SSX2IP: variants seen among roughly 807,000 people sequenced by gnomAD.
SSX2IP encodes the protein SSX family member 2 interacting protein.
A neutral mutation model predicts 84.9 loss-of-function variants in SSX2IP; 55 were observed. That is an observed-to-expected ratio of 0.65 (90% CI 0.52 to 0.81). The LOEUF is 0.81. SSX2IP is among the 30% of genes least tolerant of loss of function. The pLI is 0.00. For missense variants in SSX2IP, 664 were observed against 705.2 expected (o/e 0.94, Z 0.66); for synonymous variants, 239 against 234.7 (o/e 1.02, Z -0.17).
intron 1 of SSX2IP, among the ~76,000 whole-genome samples, chr1:84,674,280 A>G (rs1414106833): frequency 2.0e-5 from 3 of 152,000 alleles, no homozygotes; most frequent in Admixed American, 1.3e-4. Context: ...ACATAAGCTA[A>G]TATTAATCAT....
rs1161359557 is a variant in SSX2IP, at chr1:84,650,461, T to C, written c.1571A>G (p.Asn524Ser). 3.1e-6 allele frequency: 5 copies of C among 1,614,056 alleles called. No homozygotes were observed. Among genetic ancestry groups the C allele is most frequent in the Admixed American group, 3.3e-5 (2 of 59,992 alleles). Reference sequence around the variant, plus strand: ...TTTAGACATGCAAACTGGAGACCCATTAGACACACTGTGAGGCTTCTTTTG... The same window carrying C: ...TTTAGACATGCAAACTGGAGACCCACTAGACACACTGTGAGGCTTCTTTTG... ...QPQKKPHSVS[N>S]GSPVCMSKLT... is the part of the protein sequence containing the mutation. The change falls in exon 13 of 14, where the codon AAT (asparagine) becomes AGT (serine). Residue 524 changes from asparagine to serine, a missense_variant. Physicochemically the swap from Asn to Ser is conservative, Grantham distance 46. Coordinates refer to ENST00000342203, the MANE Select transcript of SSX2IP (RefSeq NM_001166293.2).
At chr1:84,666,062 T>C (rs1026711688) in intron 5 of SSX2IP, 60 bp downstream of exon 5, 6 of 1,280,956 alleles carry the variant, frequency 4.7e-6, no homozygotes, top group Non-Finnish European at 6.7e-6. Context: ...TATGGTCATC[T>C]CATATTACAA....
chr1:84,678,017 A>G (rs963468734), intron 1 of SSX2IP, among the ~76,000 whole-genome samples: 1 of 152,348 alleles, frequency 6.6e-6, no homozygotes, highest in Non-Finnish European at 1.5e-5. Context: ...GTTTTTAAGT[A>G]TGTATATTAA....
intron 2 of SSX2IP, 31 bp downstream of exon 2, chr1:84,671,146 C>T: frequency 1.3e-6 from 2 of 1,598,928 alleles, no homozygotes; most frequent in South Asian, 1.1e-5. Context: ...ACAGTTTCTG[C>T]TTTTGTTTAC....
Position 84,646,986 on chromosome 1 carries a change from G to A in SSX2IP, c.*447C>T, listed in dbSNP as rs1008468862. On this transcript the variant is annotated 3_prime_UTR_variant, in exon 14 of 14. Transcript: ENST00000342203. ...ACTTTATTTAAAACATATGAAAGAG[G>A]TAATTTCAAACCACACTAAACATAA... is the stretch of plus-strand genomic sequence containing the variant. 6.6e-6 allele frequency: 1 copy of A among 152,600 alleles called. No individual in the cohort carries two copies. Among genetic ancestry groups the A allele is most frequent in the Non-Finnish European group, 1.5e-5 (1 of 68,088 alleles). The allele number at this position is 152,600 out of a possible 1,614,324, so 9.5% of individuals were successfully genotyped here. A position where few individuals can be genotyped will look rare whatever the true frequency, so the allele number is the denominator to read the frequency against.
At chr1:84,681,352 T>G (rs1655056646) in intron 1 of SSX2IP, among the ~76,000 whole-genome samples, 1 of 152,200 alleles carries the variant, frequency 6.6e-6, no homozygotes, top group Non-Finnish European at 1.5e-5. Context: ...AGCCAGGCTA[T>G]TCTGGGATTA....
At chr1:84,658,142 T>A in intron 9 of SSX2IP, 176 bp downstream of exon 9, 1 of 672,664 alleles carries the variant, frequency 1.5e-6, no homozygotes, top group South Asian at 2.5e-5. Flanking sequence ...TCTCAAAAAG[T>A]AAAATAAAAT....
intron 13 of SSX2IP, 100 bp downstream of exon 13, chr1:84,650,262 C>T (rs1650023851): frequency 6.7e-6 from 8 of 1,200,974 alleles, no homozygotes; most frequent in Middle Eastern, 1.9e-4. Context: ...TCTCCAAAAT[C>T]TCTATTGTTG....
chr1:84,656,506 G>T, intron 9 of SSX2IP, 22 bp from the exon 10 acceptor site: 9 of 1,606,326 alleles, frequency 5.6e-6, no homozygotes, highest in Non-Finnish European at 7.6e-6. Context: ...TCAGTAAGTT[G>T]ACATAGGTCT....
intron 8 of SSX2IP, 102 bp from the exon 9 acceptor site, chr1:84,658,570 A>G (rs1350396641): frequency 7.3e-7 from 1 of 1,363,414 alleles, no homozygotes; most frequent in South Asian, 1.6e-5. Flanking sequence ...AAGCCACATC[A>G]AAATCATTTC....
chr1:84,675,870 T>C (rs1469450604), intron 1 of SSX2IP, among the ~76,000 whole-genome samples: 1 of 152,166 alleles, frequency 6.6e-6, no homozygotes, highest in Non-Finnish European at 1.5e-5. Context: ...TGGAAGCCCC[T>C]GCCCCCCTTT....
At chr1:84,651,645 G>A (rs143293683) in intron 12 of SSX2IP, among the ~76,000 whole-genome samples, 43 of 152,088 alleles carry the variant, frequency 2.8e-4, no homozygotes, top group African/African-American at 8.4e-4. Context: ...AGATAATCGC[G>A]TGAAGCTGGG....
rs1176690594 is a variant in SSX2IP at position 84,644,164 on chromosome 1, T to C, written c.*3269A>G. The C allele has an allele frequency of 1.3e-5, 2 of 152,228 alleles. No homozygotes were observed. Among genetic ancestry groups the C allele is most frequent in the African/African-American group, 4.8e-5 (2 of 41,458 alleles). The allele number at this position is 152,228 out of a possible 1,614,324, so 9.4% of individuals were successfully genotyped here. The stretch of plus-strand genomic sequence containing the variant: ...ATCTAGCAAACAATCATCTGTTACA[T>C]AGTACTTCACAAAGGAAATAATGCT... On this transcript the variant is annotated 3_prime_UTR_variant, in exon 14 of 14. Transcript: ENST00000342203.
At chr1:84,671,807 T>G (rs535170176) in intron 1 of SSX2IP, among the ~76,000 whole-genome samples, 75 of 152,314 alleles carry the variant, frequency 4.9e-4, no homozygotes, top group Admixed American at 1.0e-3. Flanking sequence ...CAATTTACAC[T>G]ACTACCAAGA....
At chr1:84,661,485 G>A (rs1398626133) in intron 8 of SSX2IP, among the ~76,000 whole-genome samples, 2 of 151,306 alleles carry the variant, frequency 1.3e-5, no homozygotes, top group Non-Finnish European at 2.9e-5. Flanking sequence ...GTGATGCCTT[G>A]ATTGCCATAA....
intron 1 of SSX2IP, among the ~76,000 whole-genome samples, chr1:84,689,809 TGC>T (rs1557543240): frequency 6.6e-6 from 1 of 152,222 alleles, no homozygotes; most frequent in Non-Finnish European, 1.5e-5. Flanking sequence ...TTTTCACACA[TGC>T]CTGCCTCTTG....
chr1:84,675,022 C>A (rs545164738), intron 1 of SSX2IP, among the ~76,000 whole-genome samples: 4 of 152,138 alleles, frequency 2.6e-5, no homozygotes, highest in Non-Finnish European at 5.9e-5. Context: ...GGTTGCAAAG[C>A]ATTTTTTATG....
intron 2 of SSX2IP, 124 bp from the exon 3 acceptor site, chr1:84,670,939 A>T: frequency 2.5e-6 from 2 of 805,996 alleles, no homozygotes; most frequent in Non-Finnish European, 3.7e-6. Context: ...ATATATACAT[A>T]CATATTTTAA....
chr1:84,677,205 T>C (rs892050743), intron 1 of SSX2IP, among the ~76,000 whole-genome samples: 7 of 152,208 alleles, frequency 4.6e-5, no homozygotes, highest in African/African-American at 1.7e-4. Flanking sequence ...CACTGGAACT[T>C]ATATACTAAT....
Sources: gnomAD v4.1 joint callset for allele counts (sites outside exome capture counted in the v4.1 genomes callset) on GRCh38, gnomAD v4.1.1 for gene constraint, MANE v1.5 for transcripts, NCBI Gene and HGNC (gene_info 2026-07-23, HGNC 2026-07-21) for gene names.